DGKB: variants seen among roughly 807,000 people sequenced by gnomAD.
DGKB encodes the protein 90 kDa diacylglycerol kinase.
Under a neutral mutation model 114.3 loss-of-function variants are expected in DGKB, and 67 were observed. That is an observed-to-expected ratio of 0.59 (90% CI 0.48 to 0.72). The LOEUF (loss-of-function observed/expected upper bound fraction) is 0.72, where lower values mean the gene tolerates loss of function less well. Among genes scored for constraint, DGKB ranks in the 30% least tolerant of loss-of-function variants. The pLI, the probability that DGKB is intolerant of heterozygous loss-of-function variation, is 0.00. For synonymous variants in DGKB, 398 were observed against 323.1 expected, an observed-to-expected ratio of 1.23 and a Z score of -2.49; for missense variants, 907 against 975.2, an observed-to-expected ratio of 0.93 and a Z score of 0.93.
chr7:14,918,903 A>C (rs1438857321), intron 1 of DGKB, among the ~76,000 whole-genome samples: 1 of 152,008 alleles, frequency 6.6e-6, no homozygotes, highest in Non-Finnish European at 1.5e-5. Flanking sequence ...CTCTACTAAA[A>C]ATACAAAAAA....
chr7:14,754,457 C>G (rs1834576309), intron 3 of DGKB, among the ~76,000 whole-genome samples: 1 of 152,078 alleles, frequency 6.6e-6, no homozygotes, highest in Admixed American at 6.6e-5. Context: ...AGCGTCACGC[C>G]TAGCATCTCT....
At chr7:14,165,660 T>C (rs1784518244) in intron 25 of DGKB, among the ~76,000 whole-genome samples, 1 of 152,192 alleles carries the variant, frequency 6.6e-6, no homozygotes, top group Non-Finnish European at 1.5e-5. Context: ...TATTTTCCAA[T>C]ATATATTATG....
chr7:14,654,131 A>G (rs1037140500), intron 13 of DGKB, among the ~76,000 whole-genome samples: 1 of 152,070 alleles, frequency 6.6e-6, no homozygotes, highest in African/African-American at 2.4e-5. Flanking sequence ...TACATATAGA[A>G]AAACCTGAAG....
chr7:14,304,173 C>T (rs1052113549), intron 23 of DGKB, among the ~76,000 whole-genome samples: 1 of 151,762 alleles, frequency 6.6e-6, no homozygotes, highest in Non-Finnish European at 1.5e-5. Flanking sequence ...ATTCTTCACA[C>T]TAACGGTAAG....
chr7:14,574,456 T>C, intron 19 of DGKB, 84 bp from the exon 20 acceptor site: 1 of 1,091,912 alleles, frequency 9.2e-7, no homozygotes, highest in Non-Finnish European at 1.3e-6. Context: ...TGCTTATGCA[T>C]ATGTAATATT....
chr7:14,250,188 T>G (rs978469357), intron 23 of DGKB, among the ~76,000 whole-genome samples: 23 of 151,038 alleles, frequency 1.5e-4, no homozygotes, highest in Non-Finnish European at 2.7e-4. Flanking sequence ...AGGCTGGTCT[T>G]GAATTCCTGG....
intron 2 of DGKB, among the ~76,000 whole-genome samples, chr7:14,820,033 G>A (rs926714488): frequency 1.3e-5 from 2 of 152,066 alleles, no homozygotes; most frequent in Non-Finnish European, 2.9e-5. Flanking sequence ...GAATAAAAGA[G>A]AAGGTAAAGA....
At chr7:14,217,388 AG>A (rs1295969038) in intron 23 of DGKB, among the ~76,000 whole-genome samples, 5 of 152,084 alleles carry the variant, frequency 3.3e-5, no homozygotes, top group Non-Finnish European at 7.4e-5. Context: ...CTCTGAAGCC[AG>A]TACCTTATTC....
chr7:14,966,055 A>C (rs1787129100), intron 1 of DGKB, among the ~76,000 whole-genome samples: 2 of 152,226 alleles, frequency 1.3e-5, no homozygotes, highest in East Asian at 3.9e-4. Flanking sequence ...AAAATTTCTT[A>C]AACTTAAAAT....
chr7:14,841,111 T>C, intron 2 of DGKB, 83 bp downstream of exon 2: 1 of 1,242,284 alleles, frequency 8.0e-7, no homozygotes, highest in Non-Finnish European at 1.1e-6. Flanking sequence ...AAGAACAGGA[T>C]CTATGATCCA....
At chr7:14,456,618 T>G (rs989731757) in intron 21 of DGKB, among the ~76,000 whole-genome samples, 9 of 152,078 alleles carry the variant, frequency 5.9e-5, no homozygotes, top group Non-Finnish European at 1.2e-4. Flanking sequence ...CTTACATTAT[T>G]TTTCCAATTG....
Position 14,835,994 on chromosome 7 carries a change from G to A in DGKB, c.70+5200C>T, listed in dbSNP as rs574021882. ...CTGAAAATCCATTATTTAGTATGAC[G>A]CTGATTATAGTCTCATTAAATCCTA... On this transcript the variant is annotated intron_variant, in intron 2 of 25. Coordinates refer to ENST00000402815, the MANE Select transcript of DGKB (RefSeq NM_001350709.2). Among the ~76,000 whole-genome samples, 13 of 152,174 alleles carry A rather than the reference G, an allele frequency of 8.5e-5. No individual in the cohort carries two copies. The South Asian group carries it at 1.9e-3, about 22-fold the overall frequency.
intron 1 of DGKB, among the ~76,000 whole-genome samples, chr7:14,852,497 A>AAAAACAAAAAAAAAAAAAAAC (rs57418853): frequency 7.2e-6 from 1 of 138,390 alleles, no homozygotes; most frequent in African/African-American, 2.7e-5. Context: ...CAAAAAAAAA[A>AAAAACAAAAAAAAAAAAAAAC]CAGAAATCAA....
intron 21 of DGKB, among the ~76,000 whole-genome samples, chr7:14,401,252 T>A (rs1159087706): frequency 6.6e-6 from 1 of 151,934 alleles, no homozygotes; most frequent in Non-Finnish European, 1.5e-5. Flanking sequence ...ATCAAGCCAA[T>A]TTCTTAACTC....
At chr7:14,202,059 T>C (rs1785977795) in intron 23 of DGKB, among the ~76,000 whole-genome samples, 1 of 152,060 alleles carries the variant, frequency 6.6e-6, no homozygotes, top group Admixed American at 6.6e-5. Flanking sequence ...CTTCTTGAAG[T>C]GACAAATATA....
intron 15 of DGKB, 26 bp downstream of exon 15, chr7:14,621,352 T>A: frequency 6.9e-7 from 1 of 1,456,692 alleles, no homozygotes. Flanking sequence ...TGAAACCTAC[T>A]AAAATTTTGA....
chr7:14,700,928 G>C (rs1390853908), intron 7 of DGKB, among the ~76,000 whole-genome samples: 2 of 152,042 alleles, frequency 1.3e-5, no homozygotes, highest in African/African-American at 4.8e-5. Context: ...TGCAAAATAT[G>C]TTACCAAACA....
intron 23 of DGKB, among the ~76,000 whole-genome samples, chr7:14,233,411 CT>C (rs1197071221): frequency 1.3e-5 from 2 of 151,932 alleles, no homozygotes; most frequent in Non-Finnish European, 2.9e-5. Flanking sequence ...TGCCAGTGTC[CT>C]TTGTTCTTGC....
chr7:14,453,366 A>C (rs118139582), intron 21 of DGKB, among the ~76,000 whole-genome samples: 1 of 152,288 alleles, frequency 6.6e-6, no homozygotes, highest in Non-Finnish European at 1.5e-5. Flanking sequence ...AGAAATAAGC[A>C]AAATCGACAC....
Sources: gnomAD v4.1 joint callset for allele counts (sites outside exome capture counted in the v4.1 genomes callset) on GRCh38, gnomAD v4.1.1 for gene constraint, MANE v1.5 for transcripts, NCBI Gene and HGNC (gene_info 2026-07-23, HGNC 2026-07-21) for gene names.